ZNF469: variants seen among roughly 807,000 people sequenced by gnomAD.
ZNF469 encodes the protein zinc finger protein 469.
Under a neutral mutation model 1.0 loss-of-function variants are expected in ZNF469, and 1 was observed. The ratio of observed to expected loss-of-function variants is 1.00; its 90% CI spans 0.35 to 4.73. The LOEUF is 4.73. Ranked by LOEUF, ZNF469 falls within the 30% of genes most tolerant of loss-of-function variation. The pLI, the probability that ZNF469 is intolerant of heterozygous loss-of-function variation, is 0.16. For synonymous variants in ZNF469, 2,703 were observed against 2,363.4 expected, an observed-to-expected ratio of 1.14 and a Z score of -4.17; for missense variants, 6,100 against 5,356.3, an observed-to-expected ratio of 1.14 and a Z score of -4.33.
chr16:88,377,914 C>T, the ZNF469 span, among the ~76,000 whole-genome samples: 7 of 152,102 alleles, frequency 4.6e-5, no homozygotes, highest in African/African-American at 1.4e-4. Context: ...GTTTTTGAGC[C>T]GAGCCCTGGC....
rs530685019 is a variant in ZNF469 at position 88,432,733 on chromosome 16, G to A, written c.5263G>A (p.Ala1755Thr). Residue 1755 changes from alanine to threonine, a missense_variant, in exon 3 of 3, where the codon GCC becomes ACC. Coordinates refer to ENST00000565624, the MANE Select transcript of ZNF469 (RefSeq NM_001367624.2). ...QELSFPKNKE[A>T]ASSQESEDSL... ...ACTTTCATTTCCTAAGAATAAGGAG[G>A]CCGCCAGCTCACAAGAAAGTGAAGA... The A allele has an allele frequency of 2.9e-5, 45 of 1,550,448 alleles. No individual in the cohort carries two copies. In the African/African-American group the frequency reaches 5.3e-4, roughly 18 times the overall value.
chr16:88,285,552 G>C, the ZNF469 span, among the ~76,000 whole-genome samples: 1 of 152,272 alleles, frequency 6.6e-6, no homozygotes, highest in African/African-American at 2.4e-5. Flanking sequence ...TCCAGCAGCT[G>C]ACACGGCACC....
At chr16:88,210,847 A>T in the ZNF469 span, among the ~76,000 whole-genome samples, 1 of 152,184 alleles carries the variant, frequency 6.6e-6, no homozygotes, top group African/African-American at 2.4e-5. Context: ...TGCCTGGTAA[A>T]GCTGGGCCTC....
chr16:88,113,339 C>T, the ZNF469 span, among the ~76,000 whole-genome samples: 2 of 152,182 alleles, frequency 1.3e-5, no homozygotes, highest in African/African-American at 2.4e-5. Flanking sequence ...TTCCCAGCAC[C>T]GTTTATGGAA....
the ZNF469 span, among the ~76,000 whole-genome samples, chr16:88,220,647 G>C: frequency 2.6e-5 from 4 of 152,106 alleles, no homozygotes; most frequent in Non-Finnish European, 5.9e-5. Flanking sequence ...TTTCACAGCT[G>C]AGGAAGATGA....
At position 88,429,071 on chromosome 16, in the gene ZNF469, TGCCAGCCGTGAGAAGCA is replaced by T; in HGVS notation, c.1607_1623del (p.Ala536GlyfsTer196). 2 of 1,549,880 alleles carry T rather than the reference TGCCAGCCGTGAGAAGCA, an allele frequency of 1.3e-6. No individual in the cohort carries two copies. The highest frequency in any genetic ancestry group is 1.7e-6 in the Non-Finnish European group (2 of 1,146,840). ...AAGACACCGGGACCCAGAGAGAAGC[TGCCAGCCGTGAGAAGCA>T]GCCAGGGCGGCTCCCCAGCACTGTT... On this transcript the variant is annotated frameshift_variant, in exon 3 of 3. Coordinates refer to ENST00000565624, the MANE Select transcript of ZNF469 (RefSeq NM_001367624.2). LOFTEE classifies it low-confidence loss of function (END_TRUNC).
At chr16:88,316,409 G>A in the ZNF469 span, among the ~76,000 whole-genome samples, 1 of 152,100 alleles carries the variant, frequency 6.6e-6, no homozygotes, top group African/African-American at 2.4e-5. Context: ...CTCTGCCCTG[G>A]GAGTAACACT....
At chr16:88,221,368 C>G in the ZNF469 span, among the ~76,000 whole-genome samples, 1 of 152,216 alleles carries the variant, frequency 6.6e-6, no homozygotes, top group African/African-American at 2.4e-5. Flanking sequence ...CTGTGGGCCA[C>G]TATCGTGCCT....
chr16:88,260,970 C>T, the ZNF469 span, among the ~76,000 whole-genome samples: 1 of 152,216 alleles, frequency 6.6e-6, no homozygotes, highest in East Asian at 1.9e-4. This position sits in a 1 kb window ranked among gnomAD's most constrained non-coding sequence, Gnocchi z 4.1. Flanking sequence ...AAAACGCCTG[C>T]AGCCCCAGGA....
the ZNF469 span, among the ~76,000 whole-genome samples, chr16:88,221,683 G>T: frequency 6.6e-6 from 1 of 152,192 alleles, no homozygotes; most frequent in Non-Finnish European, 1.5e-5. Context: ...CACACACCGG[G>T]GGGCTTCAAA....
At chr16:88,210,508 A>G in the ZNF469 span, among the ~76,000 whole-genome samples, 1,554 of 152,316 alleles carry the variant, frequency 0.01, 34 homozygotes, top group African/African-American at 0.035. Context: ...TGGATGCTGA[A>G]GTTTAAAAAG....
the ZNF469 span, among the ~76,000 whole-genome samples, chr16:88,261,268 C>T: frequency 6.6e-6 from 1 of 152,334 alleles, no homozygotes; most frequent in African/African-American, 2.4e-5. This position sits in a 1 kb window ranked among gnomAD's most constrained non-coding sequence, Gnocchi z 6.0. Flanking sequence ...GGTTCCTTTT[C>T]CTTGTGAGAA....
At chr16:88,203,480 C>A in the ZNF469 span, among the ~76,000 whole-genome samples, 7 of 151,978 alleles carry the variant, frequency 4.6e-5, no homozygotes, top group African/African-American at 1.7e-4. Flanking sequence ...ATCAAAACAC[C>A]ACAAATGACG....
the ZNF469 span, among the ~76,000 whole-genome samples, chr16:88,130,556 A>G: frequency 6.6e-6 from 1 of 152,016 alleles, no homozygotes; most frequent in African/African-American, 2.4e-5. Context: ...CGATACAAAA[A>G]TTAGCTGGGC....
chr16:88,412,081 G>A (rs1051106951), intron 1 of ZNF469, among the ~76,000 whole-genome samples: 6 of 13,502 alleles, frequency 4.4e-4, no homozygotes, highest in Non-Finnish European at 7.0e-4. Context: ...TGCAGGGGGC[G>A]GGGGGTCCGG....
At chr16:88,296,154 A>G in the ZNF469 span, among the ~76,000 whole-genome samples, 2 of 152,114 alleles carry the variant, frequency 1.3e-5, no homozygotes, top group African/African-American at 2.4e-5. Flanking sequence ...TGGCCCTGAC[A>G]GACCCTGATG....
At chr16:88,103,706 C>CAG in the ZNF469 span, among the ~76,000 whole-genome samples, 1 of 150,308 alleles carries the variant, frequency 6.7e-6, no homozygotes, top group African/African-American at 2.5e-5. Context: ...CGAGGAAGCG[C>CAG]TGGAATAATC....
the ZNF469 span, among the ~76,000 whole-genome samples, chr16:88,126,912 C>T: frequency 1.7e-4 from 26 of 151,818 alleles, no homozygotes; most frequent in African/African-American, 3.2e-4. Context: ...CTCTGTCCCC[C>T]GGGTTCAAGT....
At chr16:88,395,723 C>A (rs1476218811) in intron 1 of ZNF469, among the ~76,000 whole-genome samples, 1 of 152,156 alleles carries the variant, frequency 6.6e-6, no homozygotes, top group Non-Finnish European at 1.5e-5. Flanking sequence ...GGGATTAAAA[C>A]CTGAAGGCAG....
Sources: allele counts gnomAD v4.1 joint callset (sites outside exome capture counted in the v4.1 genomes callset), GRCh38; gene constraint gnomAD v4.1.1; non-coding constraint Gnocchi (gnomAD v3.1); transcripts MANE v1.5; gene names NCBI Gene and HGNC (gene_info 2026-07-23, HGNC 2026-07-21).